Variants in CNTN4 observed in about 807,000 individuals in gnomAD.
CNTN4 encodes contactin 4, also known as contactin-4.
A neutral mutation model predicts 122.5 loss-of-function variants in CNTN4; 77 were observed. The ratio of observed to expected loss-of-function variants is 0.63; its 90% CI spans 0.52 to 0.76. CNTN4 has a LOEUF of 0.76. CNTN4 is among the 30% of genes least tolerant of loss of function. CNTN4 has a pLI of 0.00. For synonymous variants in CNTN4, 512 were observed against 447.0 expected, an observed-to-expected ratio of 1.15 and a Z score of -1.83; for missense variants, 1,256 against 1,259.1, an observed-to-expected ratio of 1.00 and a Z score of 0.04.
At chr3:2,420,506 G>T (rs538973352) in intron 3 of CNTN4, among the ~76,000 whole-genome samples, 1 of 151,908 alleles carries the variant, frequency 6.6e-6, no homozygotes, top group Non-Finnish European at 1.5e-5. Context: ...CACAATCTCG[G>T]GTCACTGCAA....
intron 2 of CNTN4, among the ~76,000 whole-genome samples, chr3:2,238,612 A>G (rs956109753): frequency 2.6e-5 from 4 of 151,840 alleles, no homozygotes; most frequent in Non-Finnish European, 5.9e-5. Context: ...GATTTTTAAT[A>G]AAATGTATGT....
chr3:2,920,221 CAT>C (rs1322291064), intron 12 of CNTN4, among the ~76,000 whole-genome samples: 1 of 151,100 alleles, frequency 6.6e-6, no homozygotes, highest in Non-Finnish European at 1.5e-5. Flanking sequence ...CTCTCACACA[CAT>C]ATGTATCTAA....
At chr3:2,577,285 G>C (rs1010619279) in intron 4 of CNTN4, among the ~76,000 whole-genome samples, 2 of 152,162 alleles carry the variant, frequency 1.3e-5, no homozygotes, top group Non-Finnish European at 2.9e-5. Context: ...AAGAAAGCAG[G>C]TGGGAAAAAA....
chr3:2,732,144 A>T (rs1229949565), intron 4 of CNTN4, among the ~76,000 whole-genome samples: 1 of 152,186 alleles, frequency 6.6e-6, no homozygotes, highest in Non-Finnish European at 1.5e-5. Flanking sequence ...CCCCAAAAAA[A>T]TGTGTCTAGG....
chr3:2,799,719 T>G (rs1576838926), intron 6 of CNTN4, among the ~76,000 whole-genome samples: 1 of 152,142 alleles, frequency 6.6e-6, no homozygotes, highest in Non-Finnish European at 1.5e-5. Flanking sequence ...CTTTTTCACA[T>G]GTATTTTTAG....
intron 13 of CNTN4, among the ~76,000 whole-genome samples, chr3:2,941,985 C>A (rs1456290571): frequency 6.6e-6 from 1 of 152,186 alleles, no homozygotes; most frequent in Non-Finnish European, 1.5e-5. Context: ...TTCTTCTTTG[C>A]ATTTTTCTGA....
intron 6 of CNTN4, among the ~76,000 whole-genome samples, chr3:2,818,437 T>C (rs1281423574): frequency 6.6e-6 from 1 of 152,164 alleles, no homozygotes; most frequent in African/African-American, 2.4e-5. Flanking sequence ...GAGGAAATCA[T>C]CCACAAATGT....
chr3:2,587,888 C>T (rs1422059509), intron 4 of CNTN4, among the ~76,000 whole-genome samples: 6 of 151,636 alleles, frequency 4.0e-5, no homozygotes, highest in Non-Finnish European at 8.8e-5. Flanking sequence ...TACTTGCTAC[C>T]TTCTGGTTTT....
At chr3:2,684,442 A>G (rs2085328905) in intron 4 of CNTN4, among the ~76,000 whole-genome samples, 1 of 152,108 alleles carries the variant, frequency 6.6e-6, no homozygotes. Context: ...CTTTTCAAAT[A>G]TGTTTGTGGT....
At chr3:2,785,857 C>T (rs942587138) in intron 6 of CNTN4, among the ~76,000 whole-genome samples, 3 of 148,884 alleles carry the variant, frequency 2.0e-5, no homozygotes, top group Non-Finnish European at 3.0e-5. Context: ...TTTTCCCACC[C>T]ACATGTTGCC....
At chr3:2,633,692 T>C (rs2082540443) in intron 4 of CNTN4, among the ~76,000 whole-genome samples, 1 of 152,220 alleles carries the variant, frequency 6.6e-6, no homozygotes, top group Non-Finnish European at 1.5e-5. Context: ...CCACCGCCTA[T>C]AAAGGTCTTT....
intron 11 of CNTN4, among the ~76,000 whole-genome samples, chr3:2,901,948 T>G (rs191163760): frequency 6.6e-6 from 1 of 152,152 alleles, no homozygotes; most frequent in Admixed American, 6.5e-5. Context: ...AGGAGTGAAC[T>G]CAGTGAGACC....
chr3:2,792,814 TAATA>T (rs2092053650), intron 6 of CNTN4, among the ~76,000 whole-genome samples: 1 of 152,218 alleles, frequency 6.6e-6, no homozygotes, highest in Non-Finnish European at 1.5e-5. Flanking sequence ...GGTATAGTAA[TAATA>T]AATCCCTCAA....
In CNTN4 at chr3:2,709,661, C is replaced by A. The variant is rs2086994452; in HGVS notation, c.56-26554C>A. ...GGGTGCGGTGGCTCTCACCTGTAAC[C>A]GCAGCACTTTGGGAGGCTGAGGCAG... is the stretch of plus-strand genomic sequence containing the variant. On this transcript the variant is annotated intron_variant, in intron 4 of 24. Transcript: ENST00000418658. The surrounding 1 kb of genome is among the most constrained non-coding windows in gnomAD (Gnocchi z 5.0). 6.6e-6 allele frequency among the ~76,000 whole-genome samples: 1 copy of A among 152,070 alleles called. No homozygotes were observed. The highest frequency in any genetic ancestry group is 6.5e-5 in the Admixed American group (1 of 15,272).
chr3:2,403,229 G>GACCTC (rs1383976752), intron 3 of CNTN4, among the ~76,000 whole-genome samples: 1 of 151,984 alleles, frequency 6.6e-6, no homozygotes, highest in Non-Finnish European at 1.5e-5. Flanking sequence ...ACTCCAGTAT[G>GACCTC]ACCTCATCCC....
At chr3:2,594,349 A>G (rs1393619148) in intron 4 of CNTN4, among the ~76,000 whole-genome samples, 2 of 152,168 alleles carry the variant, frequency 1.3e-5, no homozygotes, top group East Asian at 1.9e-4. Flanking sequence ...CATTTAGTAA[A>G]TAGATAATTT....
At chr3:2,492,414 G>A (rs1223956819) in intron 3 of CNTN4, among the ~76,000 whole-genome samples, 1 of 152,098 alleles carries the variant, frequency 6.6e-6, no homozygotes, top group Non-Finnish European at 1.5e-5. Flanking sequence ...GAACTGAGAT[G>A]TCATACCCGG....
chr3:2,790,483 C>T (rs1176292824), intron 6 of CNTN4, among the ~76,000 whole-genome samples: 1 of 152,182 alleles, frequency 6.6e-6, no homozygotes, highest in Non-Finnish European at 1.5e-5. Context: ...CAGTCAAGCA[C>T]AGCAAAGTAA....
chr3:2,636,381 A>C (rs2082658268), intron 4 of CNTN4, among the ~76,000 whole-genome samples: 1 of 152,194 alleles, frequency 6.6e-6, no homozygotes, highest in South Asian at 2.1e-4. Context: ...AGAAGATAGA[A>C]TATTTATTGC....
Sources: allele counts gnomAD v4.1 joint callset (sites outside exome capture counted in the v4.1 genomes callset), GRCh38; gene constraint gnomAD v4.1.1; non-coding constraint Gnocchi (gnomAD v3.1); transcripts MANE v1.5; gene names NCBI Gene and HGNC (gene_info 2026-07-23, HGNC 2026-07-21).